The following SEMA3F variants were observed in gnomAD, a reference collection of about 807,000 sequenced individuals.
The protein encoded by SEMA3F is semaphorin-3F.
Under a neutral mutation model 98.5 loss-of-function variants are expected in SEMA3F, and 30 were observed. That is an observed-to-expected ratio of 0.30 (90% CI 0.23 to 0.41). SEMA3F has a LOEUF of 0.41. Among genes scored for constraint, SEMA3F ranks in the 10% least tolerant of loss-of-function variants. The pLI is 1.00. For missense variants in SEMA3F, 866 were observed against 1,119.3 expected, an observed-to-expected ratio of 0.77 and a Z score of 3.23; for synonymous variants, 380 against 444.8, an observed-to-expected ratio of 0.85 and a Z score of 1.83.
chr3:50,186,436 A>C (rs1449301597), intron 17 of SEMA3F, 88 bp downstream of exon 17: 1 of 1,461,482 alleles, frequency 6.8e-7, no homozygotes, highest in Non-Finnish European at 9.5e-7. Context: ...CCCCCACTGT[A>C]AGGGTGCTCT....
At chr3:50,161,817 C>T (rs933996781) in intron 2 of SEMA3F, among the ~76,000 whole-genome samples, 2 of 152,194 alleles carry the variant, frequency 1.3e-5, no homozygotes, top group Non-Finnish European at 2.9e-5. Flanking sequence ...TGCTGTGTAC[C>T]AGGCCCTGTG....
intron 2 of SEMA3F, among the ~76,000 whole-genome samples, chr3:50,163,648 C>CT (rs1220807490): frequency 6.6e-6 from 1 of 152,232 alleles, no homozygotes; most frequent in East Asian, 1.9e-4. Context: ...AGGGGTGGGG[C>CT]TGGAGAGCTA....
intron 2 of SEMA3F, among the ~76,000 whole-genome samples, chr3:50,162,782 G>A (rs993153932): frequency 6.6e-6 from 1 of 152,230 alleles, no homozygotes; most frequent in Non-Finnish European, 1.5e-5. Flanking sequence ...GCCAAGAGAT[G>A]TTTGGTGGGG....
chr3:50,185,694 T>C lies in SEMA3F; in HGVS notation c.1574T>C (p.Ile525Thr). The C allele has an allele frequency of 6.2e-7, 1 of 1,614,202 alleles. No individual in the cohort carries two copies. The highest frequency in any genetic ancestry group is 8.5e-7 in the Non-Finnish European group (1 of 1,180,022). ...CCAGCACCCGTCAAGACCATGACCA[T>C]CTCTTCTAAGAGGGTAAGCCTTTGG... ...KDPAPVKTMT[I>T]SSKRQQLYVA... Residue 525 changes from isoleucine to threonine, a missense_variant, in exon 15 of 19, where the codon ATC becomes ACC. By Grantham distance (89) the Ile-to-Thr change is moderately conservative. Around this residue, in one of 3 missense-constraint regions of SEMA3F, gnomAD observed 374 missense variants for 582.8 expected, o/e 0.64. Coordinates refer to ENST00000002829, the MANE Select transcript of SEMA3F (RefSeq NM_004186.5).
chr3:50,183,981 C>T (rs758145972), intron 12 of SEMA3F, among the ~76,000 whole-genome samples: 1 of 152,106 alleles, frequency 6.6e-6, no homozygotes, highest in Non-Finnish European at 1.5e-5. Context: ...GATGTGACAC[C>T]GGCTGATGTG....
rs1260123306 is a variant in SEMA3F at position 50,181,408 on chromosome 3, G to A, written c.644-876G>A. Among the ~76,000 whole-genome samples the A allele has an allele frequency of 5.3e-5, 8 of 149,930 alleles. No individual in the cohort carries two copies. The East Asian group carries it at 1.2e-3, about 22-fold the overall frequency. The stretch of plus-strand genomic sequence containing the variant: ...GCGATCTCGGCTCACTACAACTTCC[G>A]CCTCCCAGGTTTAAGGGATCTTCCT... On this transcript the variant is annotated intron_variant, in intron 7 of 18. Coordinates refer to ENST00000002829, the MANE Select transcript of SEMA3F (RefSeq NM_004186.5).
chr3:50,184,002 C>A (rs1699116824), intron 12 of SEMA3F, among the ~76,000 whole-genome samples: 1 of 152,144 alleles, frequency 6.6e-6, no homozygotes, highest in African/African-American at 2.4e-5. Flanking sequence ...GGAGCCTAAG[C>A]AGGAGAGCAG....
chr3:50,163,789 C>G (rs1380170874), intron 2 of SEMA3F, among the ~76,000 whole-genome samples: 3 of 152,166 alleles, frequency 2.0e-5, no homozygotes. Context: ...GGGCAAGGGT[C>G]AGGTGGCTCT....
chr3:50,175,188 G>A lies in SEMA3F; in HGVS notation c.549G>A (p.Gln183=), dbSNP rs754197451. 6 of 1,584,970 alleles carry A rather than the reference G, an allele frequency of 3.8e-6. No homozygotes were observed. The highest frequency in any genetic ancestry group is 5.2e-6 in the Non-Finnish European group (6 of 1,163,054). The change falls in exon 6 of 19, where the codon CAG becomes CAA. Residue 183 remains glutamine, a splice_region_variant and synonymous_variant. Transcript: ENST00000002829. ...ALRPMPTAPR[Q]DYIFYLEPER... is the part of the protein sequence containing the mutation. The stretch of plus-strand genomic sequence containing the variant: ...GCCCGATGCCCACAGCCCCACGCCA[G>A]GTGGGCCTCATCCCTCCAGGCCTTT...
At position 50,184,780 on chromosome 3, in the gene SEMA3F, C is replaced by T. The variant is rs540596745; in HGVS notation, c.1422C>T (p.Ala474=). ...TTIAVDQVDA[A]DGRYEVLFLG... is the part of the protein sequence containing the mutation. ...TTGCCGTGGACCAGGTGGATGCAGC[C>T]GACGGGCGCTATGAGGTGCTTTTCC... The change falls in exon 13 of 19, where the codon GCC becomes GCT. Residue 474 remains alanine (A), a synonymous_variant. Coordinates refer to ENST00000002829, the MANE Select transcript of SEMA3F (RefSeq NM_004186.5). 13 of 1,614,004 alleles carry T rather than the reference C, an allele frequency of 8.1e-6. No homozygotes were observed. The highest frequency in any genetic ancestry group is 3.3e-4 in the Middle Eastern group (2 of 6,056).
intron 2 of SEMA3F, among the ~76,000 whole-genome samples, chr3:50,162,040 A>T (rs1022431348): frequency 6.6e-6 from 1 of 152,168 alleles, no homozygotes; most frequent in Admixed American, 6.5e-5. Context: ...TCCATGTCAT[A>T]GTTTTTTCAT....
At chr3:50,187,642 G>C in intron 18 of SEMA3F, 63 bp from the exon 19 acceptor site, 1 of 1,438,478 alleles carries the variant, frequency 7.0e-7, no homozygotes, top group South Asian at 1.4e-5. Flanking sequence ...GTCTGATCTG[G>C]TTGCTGGCTA....
At chr3:50,159,755 TC>T (rs1698134659) in intron 2 of SEMA3F, 21 bp downstream of exon 2, 1 of 1,477,766 alleles carries the variant, frequency 6.8e-7, no homozygotes, top group Non-Finnish European at 9.4e-7. Context: ...GTTTTGTTCT[TC>T]CCCAGAAATC....
intron 12 of SEMA3F, chr3:50,184,284 C>A: frequency 2.3e-6 from 1 of 434,748 alleles, no homozygotes; most frequent in Non-Finnish European, 4.3e-6. Flanking sequence ...TAGGAACAAC[C>A]AGAGAGGAAG....
intron 6 of SEMA3F, 74 bp downstream of exon 6, chr3:50,175,262 AGGCCAGCCTCCCCAGG>A: frequency 1.9e-6 from 2 of 1,070,152 alleles, no homozygotes; most frequent in South Asian, 2.7e-5. Flanking sequence ...CCTGCACCTG[AGGCCAGCCTCCCCAGG>A]GCCTCCCCTC....
At position 50,176,636 on chromosome 3, in the gene SEMA3F, A is replaced by G. The variant is rs1698821353; in HGVS notation, c.550-132A>G. 7.2e-6 allele frequency: 5 copies of G among 690,322 alleles called. No individual in the cohort carries two copies. The Admixed American group carries it at 1.0e-4, about 14-fold the overall frequency. The allele number at this position is 690,322 out of a possible 1,614,324, so 42.8% of individuals were successfully genotyped here. Reference sequence around the variant, plus strand: ...GCTGGATGGAGTTTAAGGCCAAGGAATGCTGGGGAGTGTAGGGGGTGGGCT... The same window carrying G: ...GCTGGATGGAGTTTAAGGCCAAGGAGTGCTGGGGAGTGTAGGGGGTGGGCT... On this transcript the variant is annotated intron_variant, in intron 6 of 18. Transcript: ENST00000002829.
At chr3:50,161,375 G>A (rs1440970803) in intron 2 of SEMA3F, among the ~76,000 whole-genome samples, 1 of 152,226 alleles carries the variant, frequency 6.6e-6, no homozygotes. Flanking sequence ...GGTCAGGCAA[G>A]AGGCAGAGGC....
chr3:50,176,368 C>T (rs1479619077), intron 6 of SEMA3F, among the ~76,000 whole-genome samples: 2 of 152,170 alleles, frequency 1.3e-5, no homozygotes, highest in African/African-American at 4.8e-5. Context: ...GCAGCGCTTT[C>T]TTGACCCAAG....
At position 50,186,720 on chromosome 3, in the gene SEMA3F, C is replaced by T; in HGVS notation, c.1921C>T (p.Arg641Ter). Residue 641 changes from arginine (R) to a stop codon, truncating the protein, a stop_gained, in exon 18 of 19, where the codon CGA becomes TGA. Transcript: ENST00000002829. LOFTEE classifies it high-confidence loss of function. ...AGCCACTGTTAAGTGGCTGTTCCAG[C>T]GAGATCCTGGTGACCGGCGCCGAGA... ...PQATVKWLFQ[R>*]DPGDRRREIR... 6.2e-7 allele frequency: 1 copy of T among 1,607,136 alleles called. No homozygotes were observed. The highest frequency in any genetic ancestry group is 1.1e-5 in the South Asian group (1 of 90,848).
Sources: gnomAD v4.1 joint callset for allele counts (sites outside exome capture counted in the v4.1 genomes callset) on GRCh38, gnomAD v4.1.1 for gene constraint, gnomAD v4.1.1 regional missense constraint, MANE v1.5 for transcripts, NCBI Gene and HGNC (gene_info 2026-07-23, HGNC 2026-07-21) for gene names.